Variants in XKR6 observed in about 807,000 individuals in gnomAD.
XKR6 encodes XK-related protein 6.
In XKR6, 22 loss-of-function variants were observed where a neutral mutation model predicts 56.7. The ratio of observed to expected loss-of-function variants is 0.39; its 90% CI spans 0.28 to 0.55. The LOEUF is 0.55. Ranked by LOEUF, XKR6 falls within the 20% of genes least tolerant of loss-of-function variation. The pLI, the probability that XKR6 is intolerant of heterozygous loss-of-function variation, is 0.66. For synonymous variants in XKR6, 524 were observed against 387.8 expected, an observed-to-expected ratio of 1.35 and a Z score of -4.13; for missense variants, 852 against 889.0, an observed-to-expected ratio of 0.96 and a Z score of 0.53.
At chr8:11,143,648 AG>A (rs1800820199) in intron 1 of XKR6, among the ~76,000 whole-genome samples, 1 of 152,222 alleles carries the variant, frequency 6.6e-6, no homozygotes, top group Non-Finnish European at 1.5e-5. Flanking sequence ...AGCAACTACT[AG>A]GAAAATCAGA....
At chr8:11,159,069 T>C (rs1453241970) in intron 1 of XKR6, among the ~76,000 whole-genome samples, 1 of 152,224 alleles carries the variant, frequency 6.6e-6, no homozygotes, top group African/African-American at 2.4e-5. Flanking sequence ...ACTTACCTTC[T>C]TTAAGCCACA....
At chr8:10,944,805 G>A (rs559904031) in intron 1 of XKR6, among the ~76,000 whole-genome samples, 1 of 152,284 alleles carries the variant, frequency 6.6e-6, no homozygotes, top group East Asian at 1.9e-4. Context: ...CCCAGCCCCT[G>A]AGAGCACATG....
At chr8:11,151,532 T>C (rs1289327217) in intron 1 of XKR6, among the ~76,000 whole-genome samples, 2 of 152,174 alleles carry the variant, frequency 1.3e-5, no homozygotes, top group East Asian at 1.9e-4. Context: ...TCTACCCATG[T>C]GAACAAGATG....
intron 1 of XKR6, chr8:11,195,245 A>G: frequency 7.2e-6 from 5 of 694,236 alleles, no homozygotes; most frequent in Non-Finnish European, 1.0e-5. Flanking sequence ...AAAAATAATC[A>G]CCCTAGTGTT....
intron 1 of XKR6, among the ~76,000 whole-genome samples, chr8:10,947,350 A>G (rs919343501): frequency 6.6e-6 from 1 of 152,184 alleles, no homozygotes; most frequent in Admixed American, 6.5e-5. Context: ...CCAGGAGCCC[A>G]TGTGCGTGTC....
intron 1 of XKR6, among the ~76,000 whole-genome samples, chr8:11,157,483 A>AAGGT (rs1330233323): frequency 2.4e-5 from 3 of 127,048 alleles, no homozygotes; most frequent in Non-Finnish European, 1.7e-5. Flanking sequence ...TTTAAAATAA[A>AAGGT]AGGTATGTAT....
At position 10,896,087 on chromosome 8, in the gene XKR6, A is replaced by ATATG. The variant is rs898851949; in HGVS notation, c.*1864_*1865insCATA. ...ACTTAAAAATATTGTGTGTGTTTATATATATATATATATATATACTTATTA... is the reference window on the plus strand; with the variant it reads ...ACTTAAAAATATTGTGTGTGTTTATATATGTATATATATATATATATACTTATTA... On this transcript the variant is annotated 3_prime_UTR_variant, in exon 3 of 3. Coordinates refer to ENST00000416569, the MANE Select transcript of XKR6 (RefSeq NM_173683.4). 6 of 147,124 alleles carry ATATG rather than the reference A, an allele frequency of 4.1e-5. No individual in the cohort carries two copies. The highest frequency in any genetic ancestry group is 1.5e-4 in the African/African-American group (6 of 40,614). 9.1% of individuals were successfully genotyped at this position (147,124 alleles called of 1,614,324 possible). A position where few individuals can be genotyped will look rare whatever the true frequency, so the allele number is the denominator to read the frequency against.
At chr8:11,197,978 T>A (rs2117160687) in intron 1 of XKR6, among the ~76,000 whole-genome samples, 1 of 152,358 alleles carries the variant, frequency 6.6e-6, no homozygotes, top group Middle Eastern at 3.4e-3. Flanking sequence ...TTCACTGACA[T>A]CTTTTCTTAG....
chr8:11,154,430 G>C (rs1257878797), intron 1 of XKR6, among the ~76,000 whole-genome samples: 1 of 152,246 alleles, frequency 6.6e-6, no homozygotes, highest in Admixed American at 6.5e-5. Flanking sequence ...ATTCACATTA[G>C]AACCTTCCCA....
At chr8:11,114,996 T>A (rs1799104131) in intron 1 of XKR6, among the ~76,000 whole-genome samples, 1 of 152,178 alleles carries the variant, frequency 6.6e-6, no homozygotes, top group Non-Finnish European at 1.5e-5. Context: ...CAGAACGAGT[T>A]CTAAACCTCA....
At chr8:10,982,799 G>C (rs1459248670) in intron 1 of XKR6, among the ~76,000 whole-genome samples, 1 of 152,192 alleles carries the variant, frequency 6.6e-6, no homozygotes, top group African/African-American at 2.4e-5. Context: ...AAGGAAGGTG[G>C]AGTTTGGTAC....
chr8:11,064,396 G>A (rs1799925253), intron 1 of XKR6, among the ~76,000 whole-genome samples: 1 of 152,110 alleles, frequency 6.6e-6, no homozygotes, highest in Non-Finnish European at 1.5e-5. Flanking sequence ...CGTGGTCATG[G>A]GCCATCATCT....
rs1183399992 is a variant in XKR6 at position 10,898,093 on chromosome 8, T to C, written c.1785A>G (p.Pro595=). 3 of 1,614,046 alleles carry C rather than the reference T, an allele frequency of 1.9e-6. No homozygotes were observed. In the African/African-American group the frequency reaches 4.0e-5, roughly 22 times the overall value. The part of the protein sequence containing the change: ...IKIDMPRKRY[P]AWDAHFVDRR... The stretch of plus-strand genomic sequence containing the variant: ...TGTCTACAAAATGAGCATCCCAAGC[T>C]GGGTATCGCTTTCTTGGCATGTCAA... The change falls in exon 3 of 3, where the codon CCA becomes CCG. Residue 595 remains proline (P), a synonymous_variant. Coordinates refer to ENST00000416569, the MANE Select transcript of XKR6 (RefSeq NM_173683.4). This position sits in a 1 kb window ranked among gnomAD's most constrained non-coding sequence, Gnocchi z 6.6.
intron 1 of XKR6, among the ~76,000 whole-genome samples, chr8:11,037,005 AC>A (rs1023038690): frequency 2.6e-5 from 4 of 152,140 alleles, no homozygotes; most frequent in African/African-American, 9.7e-5. Flanking sequence ...CCAGCTGAAA[AC>A]GTCGGTGCCC....
chr8:10,977,228 C>G (rs1327018676), intron 1 of XKR6, among the ~76,000 whole-genome samples: 1 of 152,088 alleles, frequency 6.6e-6, no homozygotes, highest in Non-Finnish European at 1.5e-5. Flanking sequence ...AGATGGAACC[C>G]AGGAGGGGTG....
At chr8:10,922,094 T>C (rs568449832) in intron 2 of XKR6, among the ~76,000 whole-genome samples, 2 of 152,352 alleles carry the variant, frequency 1.3e-5, no homozygotes, top group Non-Finnish European at 2.9e-5. Flanking sequence ...CAGCTGAACC[T>C]GCAGGCACCT....
At chr8:11,158,968 C>T (rs1688683326) in intron 1 of XKR6, among the ~76,000 whole-genome samples, 1 of 152,230 alleles carries the variant, frequency 6.6e-6, no homozygotes, top group Admixed American at 6.5e-5. Flanking sequence ...CTCAGTAGGA[C>T]ACGTGATTAA....
At chr8:10,954,390 G>C (rs1404130853) in intron 1 of XKR6, among the ~76,000 whole-genome samples, 1 of 152,196 alleles carries the variant, frequency 6.6e-6, no homozygotes, top group Non-Finnish European at 1.5e-5. Context: ...GTGTGGTTTT[G>C]ATTTGTATTT....
chr8:10,968,787 G>C (rs1339388341), intron 1 of XKR6, among the ~76,000 whole-genome samples: 1 of 152,258 alleles, frequency 6.6e-6, no homozygotes, highest in African/African-American at 2.4e-5. Context: ...AAAATAGAAG[G>C]AGGAAAATGA....
Sources: gnomAD v4.1 joint callset for allele counts (sites outside exome capture counted in the v4.1 genomes callset) on GRCh38, gnomAD v4.1.1 for gene constraint, Gnocchi (gnomAD v3.1) non-coding constraint, MANE v1.5 for transcripts, NCBI Gene and HGNC (gene_info 2026-07-23, HGNC 2026-07-21) for gene names.